FAM151B: variants seen among roughly 807,000 people sequenced by gnomAD.
The protein encoded by FAM151B is family with sequence similarity 151 member B, also known as protein FAM151B.
In FAM151B, 24 loss-of-function variants were observed where a neutral mutation model predicts 31.2. The ratio of observed to expected loss-of-function variants is 0.77; its 90% CI spans 0.56 to 1.08. The LOEUF (loss-of-function observed/expected upper bound fraction) is 1.08. FAM151B is among the 50% of genes least tolerant of loss of function. FAM151B has a pLI of 0.00. For missense variants in FAM151B, 293 were observed against 328.6 expected (o/e 0.89, Z 0.84); for synonymous variants, 105 against 111.4 (o/e 0.94, Z 0.36).
At chr5:80,538,372 TTTTCTTTCTTTCTTTC>T (rs1315996184) in intron 5 of FAM151B, among the ~76,000 whole-genome samples, 68 of 111,630 alleles carry the variant, frequency 6.1e-4, no homozygotes, top group East Asian at 2.0e-3. Context: ...CAGCCTTTCT[TTTTCTTTCTTTCTTTC>T]TTTCTTTCTT....
At chr5:80,494,472 C>CTTTCTTTCTTTCTTTCTTTT (rs1561359227) in intron 1 of FAM151B, among the ~76,000 whole-genome samples, 1 of 87,596 alleles carries the variant, frequency 1.1e-5, no homozygotes, top group African/African-American at 3.9e-5. Context: ...TTCTTTCTTT[C>CTTTCTTTCTTTCTTTCTTTT]TTTCTTTCTT....
rs151277134 is a variant in FAM151B, at chr5:80,500,937, A to C, written c.26-855A>C. On this transcript the variant is annotated intron_variant, in intron 1 of 5. Coordinates refer to ENST00000282226, the MANE Select transcript of FAM151B (RefSeq NM_205548.3). ...ATACTGTTGGAAAACACTTCAAAGA[A>C]GCAAATAACTTGCTGTGGCCCTTCA... 9.8e-5 allele frequency: 72 copies of C among 737,676 alleles called. No individual in the cohort carries two copies. The African/African-American group carries it at 1.0e-3, about 11-fold the overall frequency. The allele number at this position is 737,676 out of a possible 1,614,324, so 45.7% of individuals were successfully genotyped here. A position where few individuals can be genotyped will look rare whatever the true frequency, so the allele number is the denominator to read the frequency against.
chr5:80,523,669 T>C (rs1340186231), intron 5 of FAM151B, among the ~76,000 whole-genome samples: 2 of 152,188 alleles, frequency 1.3e-5, no homozygotes, highest in Non-Finnish European at 2.9e-5. Context: ...TATGTTTTAA[T>C]ATGGAATGAT....
chr5:80,496,064 T>C (rs184726273), intron 1 of FAM151B, among the ~76,000 whole-genome samples: 1 of 152,332 alleles, frequency 6.6e-6, no homozygotes, highest in African/African-American at 2.4e-5. Flanking sequence ...TACATACACT[T>C]AGTTGTTAAA....
intron 5 of FAM151B, among the ~76,000 whole-genome samples, chr5:80,526,444 A>G (rs1744974576): frequency 7.3e-6 from 1 of 137,894 alleles, no homozygotes; most frequent in African/African-American, 2.8e-5. Flanking sequence ...CACCATCTCT[A>G]CTAAAGTCCA....
At chr5:80,501,003 C>G (rs892636317) in intron 1 of FAM151B, 6 of 589,438 alleles carry the variant, frequency 1.0e-5, no homozygotes, top group African/African-American at 9.4e-5. Context: ...AAAAGACCAT[C>G]CATTTTTATT....
intron 5 of FAM151B, among the ~76,000 whole-genome samples, chr5:80,531,548 TCAAA>T (rs1580453628): frequency 6.6e-6 from 1 of 151,590 alleles, no homozygotes; most frequent in Non-Finnish European, 1.5e-5. Flanking sequence ...AAGAAAAAAA[TCAAA>T]CAACCCCATC....
At chr5:80,530,834 G>T (rs1235083184) in intron 5 of FAM151B, among the ~76,000 whole-genome samples, 1 of 152,130 alleles carries the variant, frequency 6.6e-6, no homozygotes, top group Non-Finnish European at 1.5e-5. Context: ...TATGTTCAAT[G>T]CCATCACCAT....
rs1016684448 is a variant in FAM151B at position 80,537,470 on chromosome 5, C to T, written c.672-4203C>T. ...TATTCTCAGATTTTGTGTGTGTGTA[C>T]GCTCCAATGTCGTAGCGGAGTCTTT... On this transcript the variant is annotated intron_variant, in intron 5 of 5. Transcript: ENST00000282226. 8.5e-5 allele frequency among the ~76,000 whole-genome samples: 13 copies of T among 152,172 alleles called. 1 individual carries two copies. Among genetic ancestry groups the T allele is most frequent in the Admixed American group, 5.9e-4 (9 of 15,278 alleles).
At chr5:80,492,496 T>C (rs966486223) in intron 1 of FAM151B, among the ~76,000 whole-genome samples, 1 of 152,104 alleles carries the variant, frequency 6.6e-6, no homozygotes, top group African/African-American at 2.4e-5. Context: ...TGGTGTGTGT[T>C]CAGACTGCTT....
intron 5 of FAM151B, among the ~76,000 whole-genome samples, chr5:80,533,749 C>CAAAAAA (rs71601590): frequency 2.7e-3 from 184 of 66,948 alleles, no homozygotes; most frequent in Middle Eastern, 0.011. Flanking sequence ...GACTCCATCT[C>CAAAAAA]AAAAAAAAAA....
In FAM151B at chr5:80,501,873, A is replaced by G. The variant is rs373423516; in HGVS notation, c.107A>G (p.Tyr36Cys). The G allele has an allele frequency of 1.7e-5, 27 of 1,605,624 alleles. No homozygotes were observed. Among genetic ancestry groups the G allele is most frequent in the Non-Finnish European group, 2.3e-5 (27 of 1,174,930 alleles). Residue 36 changes from tyrosine (Y) to cysteine (C), a missense_variant, in exon 2 of 6, where the codon TAT becomes TGT. Tyr to Cys is a radical substitution (Grantham distance 194, BLOSUM62 -2). Transcript: ENST00000282226. The part of the protein sequence containing the change: ...TAEDGAEITW[Y>C]HAANHKAQTN... ...GAAGACGGTGCTGAGATCACCTGGT[A>G]TCATGCAGCTAACCACAAGGCACAA...
intron 5 of FAM151B, among the ~76,000 whole-genome samples, chr5:80,537,511 G>C (rs888946651): frequency 6.6e-6 from 1 of 152,160 alleles, no homozygotes; most frequent in Non-Finnish European, 1.5e-5. Flanking sequence ...GGACTCCTGG[G>C]TTCCCACAAA....
chr5:80,501,727 G>T (rs558968426), intron 1 of FAM151B, 65 bp from the exon 2 acceptor site: 2 of 1,205,244 alleles, frequency 1.7e-6, no homozygotes, highest in East Asian at 5.0e-5. Context: ...CACAATGAAA[G>T]TGATTTTAAA....
intron 5 of FAM151B, among the ~76,000 whole-genome samples, chr5:80,539,726 A>C (rs942108275): frequency 6.6e-6 from 1 of 150,830 alleles, no homozygotes; most frequent in African/African-American, 2.4e-5. Flanking sequence ...TCCTGAGCTC[A>C]GGCAATCGGC....
intron 1 of FAM151B, among the ~76,000 whole-genome samples, chr5:80,488,800 T>C (rs529851564): frequency 2.0e-5 from 3 of 152,346 alleles, no homozygotes; most frequent in Admixed American, 1.3e-4. Context: ...GCTGTATAAA[T>C]ACAGGTTCTC....
At position 80,516,862 on chromosome 5, in the gene FAM151B, T is replaced by C. The variant is rs531114490; in HGVS notation, c.318-2831T>C. 2.6e-5 allele frequency among the ~76,000 whole-genome samples: 4 copies of C among 152,368 alleles called. No homozygotes were observed. In the South Asian group the frequency reaches 8.3e-4, roughly 32 times the overall value. On this transcript the variant is annotated intron_variant, in intron 3 of 5. Transcript: ENST00000282226. ...TGTAGTATACAGTAGTCCTCTGTTA[T>C]CTGCAGTTTCAGTAACCTGCAGTAC...
intron 2 of FAM151B, among the ~76,000 whole-genome samples, chr5:80,507,043 C>A (rs1743989663): frequency 6.7e-6 from 1 of 150,256 alleles, no homozygotes; most frequent in Non-Finnish European, 1.5e-5. Context: ...TGCTTGAACC[C>A]AGGAAGCAGA....
intron 5 of FAM151B, 81 bp from the exon 6 acceptor site, chr5:80,541,592 G>T: frequency 7.5e-7 from 1 of 1,336,356 alleles, no homozygotes. Context: ...AGAGATAAAT[G>T]AAAGCATTTT....
Sources: gnomAD v4.1 joint callset for allele counts (sites outside exome capture counted in the v4.1 genomes callset) on GRCh38, gnomAD v4.1.1 for gene constraint, MANE v1.5 for transcripts, NCBI Gene and HGNC (gene_info 2026-07-23, HGNC 2026-07-21) for gene names.